Variants in ARHGAP22 observed in about 807,000 individuals in gnomAD.
ARHGAP22 encodes the protein rho GTPase-activating protein 22.
ARHGAP22 carries 48 observed loss-of-function variants against 59.1 expected under a neutral mutation model. The ratio of observed to expected loss-of-function variants is 0.81; its 90% confidence interval spans 0.64 to 1.03. The LOEUF (loss-of-function observed/expected upper bound fraction) is 1.03. ARHGAP22 is among the 50% of genes least tolerant of loss of function. The pLI is 0.00. For synonymous variants in ARHGAP22, 445 were observed against 416.4 expected, an observed-to-expected ratio of 1.07 and a Z score of -0.84; for missense variants, 1,015 against 958.7, an observed-to-expected ratio of 1.06 and a Z score of -0.78.
intron 4 of ARHGAP22, among the ~76,000 whole-genome samples, chr10:48,470,603 C>G (rs2048143755): frequency 6.6e-6 from 1 of 152,232 alleles, no homozygotes; most frequent in South Asian, 2.1e-4. Flanking sequence ...TCCATAGGGA[C>G]ATCTTCTCCA....
chr10:48,608,098 C>T (rs1433711577), upstream of ARHGAP22, among the ~76,000 whole-genome samples: 1 of 152,220 alleles, frequency 6.6e-6, no homozygotes, highest in Non-Finnish European at 1.5e-5. Context: ...AAAAGCTCCT[C>T]TAGGGATTCA....
chr10:48,469,932 G>A (rs998428137), intron 4 of ARHGAP22, among the ~76,000 whole-genome samples: 1 of 152,228 alleles, frequency 6.6e-6, no homozygotes, highest in Non-Finnish European at 1.5e-5. Flanking sequence ...TGAAATGCCA[G>A]CTTCCCACTT....
intron 1 of ARHGAP22, among the ~76,000 whole-genome samples, chr10:48,618,836 A>G (rs2061182018): frequency 6.6e-6 from 1 of 152,046 alleles, no homozygotes; most frequent in Non-Finnish European, 1.5e-5. Flanking sequence ...GTACTGGAAG[A>G]CCTAGCCTGA....
At chr10:48,454,775 C>G (rs1356904574) in intron 6 of ARHGAP22, among the ~76,000 whole-genome samples, 1 of 152,098 alleles carries the variant, frequency 6.6e-6, no homozygotes, top group Non-Finnish European at 1.5e-5. Flanking sequence ...ACAGGTATGG[C>G]TCCAGACAGC....
chr10:48,484,321 C>A (rs2049637714), intron 3 of ARHGAP22, among the ~76,000 whole-genome samples: 1 of 152,212 alleles, frequency 6.6e-6, no homozygotes, highest in Non-Finnish European at 1.5e-5. Context: ...AATGCTAAAC[C>A]AATCTTGCAT....
intron 2 of ARHGAP22, among the ~76,000 whole-genome samples, chr10:48,559,370 T>C (rs2057534958): frequency 6.6e-6 from 1 of 152,206 alleles, no homozygotes; most frequent in Non-Finnish European, 1.5e-5. Flanking sequence ...AGCCTATGTA[T>C]CTAAGTTCCT....
rs146804252 is a variant in ARHGAP22, at chr10:48,587,349, T to C, written c.35-4197A>G. Among the ~76,000 whole-genome samples the C allele has an allele frequency of 3.9e-5, 6 of 152,356 alleles. No homozygotes were observed. The East Asian group carries it at 1.2e-3, about 29-fold the overall frequency. On this transcript the variant is annotated intron_variant, in intron 1 of 9. Transcript: ENST00000249601. Reference sequence around the variant, plus strand: ...GCTCGAGAGGAGTCTGGCAGGGGACTAAGGAGGACAGGGAGAGGTGTGCCC... The same window carrying C: ...GCTCGAGAGGAGTCTGGCAGGGGACCAAGGAGGACAGGGAGAGGTGTGCCC...
chr10:48,499,288 GCCGCCCACATAGCTGCA>G (rs2051271001), intron 3 of ARHGAP22, among the ~76,000 whole-genome samples: 1 of 152,236 alleles, frequency 6.6e-6, no homozygotes, highest in South Asian at 2.1e-4. Flanking sequence ...AGAGCCACAG[GCCGCCCACATAGCTGCA>G]CCACCTCCTC....
the ARHGAP22 span, among the ~76,000 whole-genome samples, chr10:48,431,908 A>G: frequency 1.3e-5 from 2 of 152,218 alleles, no homozygotes; most frequent in African/African-American, 2.4e-5. Context: ...TATATACTTT[A>G]TTTCATTCAG....
chr10:48,445,000 GCTGAGGGCC>G (rs2045291633), downstream of ARHGAP22: 1 of 151,770 alleles, frequency 6.6e-6, no homozygotes, highest in African/African-American at 2.4e-5. Flanking sequence ...CCTTGATGCT[GCTGAGGGCC>G]CTGAGCAGGT....
Position 48,553,311 on chromosome 10 carries a change from C to A in ARHGAP22, c.322+2152G>T, listed in dbSNP as rs569800608. ...ATGGGCAGCTCTGGGGAGCAGCTCG[C>A]AGGATCTGCAGGAACCTGATGCGCA... On this transcript the variant is annotated intron_variant, in intron 3 of 9. Transcript: ENST00000249601. Among the ~76,000 whole-genome samples the A allele has an allele frequency of 2.0e-3, 304 of 152,390 alleles. 2 individuals are homozygous for A. Among genetic ancestry groups the A allele is most frequent in the African/African-American group, 7.1e-3 (296 of 41,602 alleles).
chr10:48,462,401 A>G (rs2047231955), intron 4 of ARHGAP22, among the ~76,000 whole-genome samples: 1 of 152,174 alleles, frequency 6.6e-6, no homozygotes, highest in African/African-American at 2.4e-5. Flanking sequence ...GTAACCATCA[A>G]CATCATTATC....
At chr10:48,576,749 GTTTCT>G in intron 2 of ARHGAP22, among the ~76,000 whole-genome samples, 1 of 141,562 alleles carries the variant, frequency 7.1e-6, no homozygotes, top group Non-Finnish European at 1.6e-5. Flanking sequence ...CTCAGATGAG[GTTTCT>G]TTTCTATCTT....
intron 3 of ARHGAP22, among the ~76,000 whole-genome samples, chr10:48,498,285 G>C (rs909214930): frequency 1.3e-5 from 2 of 152,126 alleles, no homozygotes; most frequent in Non-Finnish European, 2.9e-5. Context: ...CTGTACCAGG[G>C]CACCTAGAAA....
intron 3 of ARHGAP22, among the ~76,000 whole-genome samples, chr10:48,512,283 A>T (rs1372539901): frequency 6.6e-6 from 1 of 152,240 alleles, no homozygotes; most frequent in Non-Finnish European, 1.5e-5. Flanking sequence ...CATGAAACAG[A>T]TACAAGAGCG....
At chr10:48,442,697 C>A (rs1440613079), downstream of ARHGAP22, among the ~76,000 whole-genome samples, 1 of 152,130 alleles carries the variant, frequency 6.6e-6, no homozygotes, top group Non-Finnish European at 1.5e-5. Context: ...TACCACAGAC[C>A]CTGCCCCTTG....
At chr10:48,470,157 C>A (rs2048098357) in intron 4 of ARHGAP22, among the ~76,000 whole-genome samples, 1 of 152,194 alleles carries the variant, frequency 6.6e-6, no homozygotes, top group East Asian at 1.9e-4. Context: ...TCTATTGAAG[C>A]CAGACTGAAA....
chr10:48,439,678 TG>T, the ARHGAP22 span, among the ~76,000 whole-genome samples: 1 of 152,156 alleles, frequency 6.6e-6, no homozygotes, highest in Non-Finnish European at 1.5e-5. Context: ...TACTTAAAAT[TG>T]GGGTCTGTTT....
intron 1 of ARHGAP22, among the ~76,000 whole-genome samples, chr10:48,650,515 T>G (rs2062517278): frequency 6.6e-6 from 1 of 152,238 alleles, no homozygotes; most frequent in Non-Finnish European, 1.5e-5. Context: ...ATCATGAATG[T>G]ATGAATTGCC....
Sources: allele counts gnomAD v4.1 joint callset (sites outside exome capture counted in the v4.1 genomes callset), GRCh38; gene constraint gnomAD v4.1.1; transcripts MANE v1.5; gene names NCBI Gene and HGNC (gene_info 2026-07-23, HGNC 2026-07-21).